The following TIA1 variants were observed in gnomAD, a reference collection of about 807,000 sequenced individuals.
The protein encoded by TIA1 is TIA1 cytotoxic granule associated RNA binding protein, also known as cytotoxic granule associated RNA binding protein TIA1.
Under a neutral mutation model 65.9 loss-of-function variants are expected in TIA1, and 23 were observed. That is an observed-to-expected ratio of 0.35 (90% confidence interval 0.25 to 0.49). The LOEUF is 0.49. Among genes scored for constraint, TIA1 ranks in the 20% least tolerant of loss-of-function variants. The pLI is 0.98. For synonymous variants in TIA1, 147 were observed against 149.4 expected (o/e 0.98, Z 0.12); for missense variants, 371 against 477.9 (o/e 0.78, Z 2.09).
At chr2:70,215,812 G>C (rs185157294) in intron 10 of TIA1, among the ~76,000 whole-genome samples, 68 of 151,994 alleles carry the variant, frequency 4.5e-4, no homozygotes, top group African/African-American at 1.5e-3. Flanking sequence ...CAGTGATTGT[G>C]ATCTTGGCTC....
chr2:70,230,199 C>T (rs1439910583), intron 3 of TIA1, among the ~76,000 whole-genome samples: 19 of 143,736 alleles, frequency 1.3e-4, no homozygotes, highest in Non-Finnish European at 2.3e-4. Flanking sequence ...GCTGAGATCG[C>T]GCCGCTGCAC....
chr2:70,230,623 G>C, intron 3 of TIA1, 133 bp downstream of exon 3: 1 of 602,530 alleles, frequency 1.7e-6, no homozygotes, highest in Non-Finnish European at 2.8e-6. Context: ...TTGCACTCCA[G>C]ATTGGGCAAC....
chr2:70,245,170 A>G (rs1358534435), intron 1 of TIA1, among the ~76,000 whole-genome samples: 1 of 152,136 alleles, frequency 6.6e-6, no homozygotes, highest in Non-Finnish European at 1.5e-5. Flanking sequence ...TATTTTTAGT[A>G]GAGATGGGGT....
intron 1 of TIA1, among the ~76,000 whole-genome samples, chr2:70,238,876 C>T (rs1470474169): frequency 6.6e-6 from 1 of 151,952 alleles, no homozygotes; most frequent in Non-Finnish European, 1.5e-5. Flanking sequence ...TACAGCGAGA[C>T]CCCCGTCTCT....
chr2:70,222,572 C>T (rs547309371), intron 7 of TIA1, among the ~76,000 whole-genome samples: 20 of 152,264 alleles, frequency 1.3e-4, no homozygotes, highest in Non-Finnish European at 1.2e-4. Context: ...ACAAATTTTA[C>T]ATAAGTTGAA....
chr2:70,236,866 G>C (rs1008556261), intron 1 of TIA1, among the ~76,000 whole-genome samples: 1 of 152,056 alleles, frequency 6.6e-6, no homozygotes, highest in African/African-American at 2.4e-5. Flanking sequence ...GGGTTCAAGC[G>C]ATCTGCCTGC....
At chr2:70,227,552 T>C (rs1684342348) in intron 6 of TIA1, among the ~76,000 whole-genome samples, 183 bp downstream of exon 6, 1 of 152,138 alleles carries the variant, frequency 6.6e-6, no homozygotes, top group South Asian at 2.1e-4. Flanking sequence ...AAACCAAAGG[T>C]TTATTCATCA....
intron 7 of TIA1, among the ~76,000 whole-genome samples, chr2:70,223,223 C>T (rs1044775845): frequency 2.0e-5 from 3 of 152,126 alleles, no homozygotes; most frequent in African/African-American, 7.2e-5. Flanking sequence ...AAATTAATCA[C>T]GGCTATCAAT....
rs184418158 is a variant in TIA1, at chr2:70,232,693, A to C, written c.124-1839T>G. Reference sequence around the variant, plus strand: ...AGACTAGCCTGGCCAAAATGGTGAAACCTCATCTCTACTAAAAATACAAAA... The same window carrying C: ...AGACTAGCCTGGCCAAAATGGTGAACCCTCATCTCTACTAAAAATACAAAA... On this transcript the variant is annotated intron_variant, in intron 2 of 12. Coordinates refer to ENST00000433529, the MANE Select transcript of TIA1 (RefSeq NM_022173.4). Among the ~76,000 whole-genome samples, 183 of 151,552 alleles carry C rather than the reference A, an allele frequency of 1.2e-3. 1 individual carries two copies. Among genetic ancestry groups the C allele is most frequent in the African/African-American group, 4.4e-3 (182 of 41,274 alleles).
At chr2:70,216,131 G>GT (rs1573206770) in intron 10 of TIA1, 77 bp downstream of exon 10, 2 of 1,201,770 alleles carry the variant, frequency 1.7e-6, no homozygotes, top group African/African-American at 1.6e-5. Context: ...GGAGGAAAAA[G>GT]TTTTTTATTT....
intron 7 of TIA1, among the ~76,000 whole-genome samples, chr2:70,220,467 T>C (rs181927154): frequency 2.1e-3 from 318 of 152,048 alleles, no homozygotes; most frequent in Admixed American, 4.3e-3. Context: ...CATGTGAAGA[T>C]GAAGGCAGAG....
At chr2:70,230,681 C>G in intron 3 of TIA1, 75 bp downstream of exon 3, 13 of 1,039,220 alleles carry the variant, frequency 1.3e-5, no homozygotes, top group East Asian at 5.9e-5. Flanking sequence ...TTTAATGTTT[C>G]TAAAAAGGAA....
Position 70,212,316 on chromosome 2 carries a change from G to GTTT in TIA1, c.*400_*402dup. ...AACTTCTAGACTCTGCACAGTTTTG[G>GTTT]TTTTTTTTTTTAACATCTTTATATT... is the stretch of plus-strand genomic sequence containing the variant. On this transcript the variant is annotated 3_prime_UTR_variant, in exon 13 of 13. Transcript: ENST00000433529. The GTTT allele has an allele frequency of 6.4e-6, 1 of 156,092 alleles. No individual in the cohort carries two copies. Among genetic ancestry groups the GTTT allele is most frequent in the Non-Finnish European group, 1.4e-5 (1 of 70,926 alleles). 9.7% of individuals were successfully genotyped at this position (156,092 alleles called of 1,614,324 possible).
intron 6 of TIA1, among the ~76,000 whole-genome samples, chr2:70,227,136 A>C (rs551796773): frequency 7.2e-5 from 11 of 152,184 alleles, no homozygotes; most frequent in Non-Finnish European, 1.5e-4. Flanking sequence ...TCAAAATTTT[A>C]AAGTTCTTCT....
At chr2:70,220,504 T>A (rs763195611) in intron 7 of TIA1, among the ~76,000 whole-genome samples, 2 of 152,000 alleles carry the variant, frequency 1.3e-5, no homozygotes, top group Non-Finnish European at 2.9e-5. Flanking sequence ...TACAAGCCAA[T>A]GAATGCCAAG....
intron 10 of TIA1, 41 bp from the exon 11 acceptor site, chr2:70,215,535 TTAAA>T: frequency 6.5e-7 from 1 of 1,542,416 alleles, no homozygotes; most frequent in Non-Finnish European, 8.8e-7. Context: ...ACAAATTCTT[TTAAA>T]TATTTATGAA....
At chr2:70,226,925 G>T (rs1269590253) in intron 6 of TIA1, among the ~76,000 whole-genome samples, 1 of 152,040 alleles carries the variant, frequency 6.6e-6, no homozygotes, top group East Asian at 1.9e-4. Flanking sequence ...AATACTACTG[G>T]CATTTACTTT....
rs1676182028 is a variant in TIA1, at chr2:70,210,371, T to TAAA, written c.*2347_*2348insTTT. The TAAA allele has an allele frequency of 6.6e-6, 1 of 152,216 alleles. No individual in the cohort carries two copies. The highest frequency in any genetic ancestry group is 2.4e-5 in the African/African-American group (1 of 41,466). The allele number at this position is 152,216 out of a possible 1,614,324, so 9.4% of individuals were successfully genotyped here. The stretch of plus-strand genomic sequence containing the variant: ...AACCATTTTAAAAACTTTAATTTCC[T>TAAA]TACCTGATACTAATACCAGTATGAT... On this transcript the variant is annotated 3_prime_UTR_variant, in exon 13 of 13. Coordinates refer to ENST00000433529, the MANE Select transcript of TIA1 (RefSeq NM_022173.4).
chr2:70,212,859 T>C lies in TIA1; in HGVS notation c.1035-14A>G, dbSNP rs372228986. 96 of 1,585,614 alleles carry C rather than the reference T, an allele frequency of 6.1e-5. No homozygotes were observed. Among genetic ancestry groups the C allele is most frequent in the Non-Finnish European group, 7.8e-5 (90 of 1,154,432 alleles). On this transcript the variant is annotated splice_polypyrimidine_tract_variant and intron_variant, in intron 12 of 12. Coordinates refer to ENST00000433529, the MANE Select transcript of TIA1 (RefSeq NM_022173.4). ...GACTGTGTCTGACTGGTGGAGAATG[T>C]GAAAGAAGCAGAGGGGAGAGGAAAT...
Sources: allele counts gnomAD v4.1 joint callset (sites outside exome capture counted in the v4.1 genomes callset), GRCh38; gene constraint gnomAD v4.1.1; transcripts MANE v1.5; gene names NCBI Gene and HGNC (gene_info 2026-07-23, HGNC 2026-07-21).